The following PCSK6 variants were observed in gnomAD, a reference collection of about 807,000 sequenced individuals.
The protein encoded by PCSK6 is proprotein convertase subtilisin/kexin type 6, also known as paired basic amino acid cleaving enzyme 4.
In PCSK6, 85 loss-of-function variants were observed where a neutral mutation model predicts 123.3. The observed-to-expected ratio is 0.69, with a 90% CI of 0.58 to 0.83. PCSK6 has a LOEUF of 0.83. Ranked by LOEUF, PCSK6 falls within the 40% of genes least tolerant of loss-of-function variation. PCSK6 has a pLI of 0.00. For synonymous variants in PCSK6, 508 were observed against 516.0 expected, an observed-to-expected ratio of 0.98 and a Z score of 0.21; for missense variants, 1,191 against 1,282.3, an observed-to-expected ratio of 0.93 and a Z score of 1.09.
At chr15:101,407,915 C>T (rs1275389300) in intron 6 of PCSK6, among the ~76,000 whole-genome samples, 6 of 152,244 alleles carry the variant, frequency 3.9e-5, no homozygotes, top group Non-Finnish European at 5.9e-5. Context: ...CTTTGATAAT[C>T]GGGTCCTGTT....
intron 20 of PCSK6, among the ~76,000 whole-genome samples, chr15:101,311,686 C>CA (rs71154319): frequency 1.5e-3 from 85 of 54,978 alleles, no homozygotes; most frequent in Middle Eastern, 0.019. Flanking sequence ...CCCATCGTCA[C>CA]CCCTCACAGC....
rs527895591 is a variant in PCSK6, at chr15:101,340,796, T to A, written c.1859-8765A>T. Among the ~76,000 whole-genome samples the A allele has an allele frequency of 6.6e-5, 10 of 152,072 alleles. No homozygotes were observed. In the South Asian group the frequency reaches 2.1e-3, roughly 32 times the overall value. On this transcript the variant is annotated intron_variant, in intron 13 of 21. Transcript: ENST00000611716. ...CCACCTCCCAATGTTCTAACAAAAT[T>A]TCTTACTGGGTCCAATATTTATTGT... is the stretch of plus-strand genomic sequence containing the variant.
chr15:101,393,297 T>C lies in PCSK6; in HGVS notation c.1124A>G (p.Asn375Ser). The C allele has an allele frequency of 6.2e-7, 1 of 1,612,894 alleles. No individual in the cohort carries two copies. Among genetic ancestry groups the C allele is most frequent in the Non-Finnish European group, 8.5e-7 (1 of 1,179,488 alleles). Reference protein sequence around the residue: ...YTISVSSATENGYKPWYLEEC... With the variant: ...YTISVSSATESGYKPWYLEEC... ...TTCCAGGTACCAGGGCTTGTAGCCA[T>C]TCTCGGTGGCGCTGCTGACGGAGAT... The change falls in exon 8 of 22, where the codon AAT becomes AGT. Residue 375 changes from asparagine to serine, a missense_variant. Around this residue, in one of 3 missense-constraint regions of PCSK6, gnomAD observed 357 missense variants for 484.5 expected, o/e 0.74. Transcript: ENST00000611716.
chr15:101,372,999 G>T (rs2041630470), intron 11 of PCSK6, among the ~76,000 whole-genome samples: 1 of 151,882 alleles, frequency 6.6e-6, no homozygotes, highest in African/African-American at 2.4e-5. Flanking sequence ...ACGGGAGCAG[G>T]GTAATTACAA....
chr15:101,389,068 T>C (rs1420338329), intron 9 of PCSK6, among the ~76,000 whole-genome samples: 7 of 152,204 alleles, frequency 4.6e-5, no homozygotes, highest in Non-Finnish European at 8.8e-5. Context: ...ATATGACCAG[T>C]GTCCTTATAA....
rs368951613 is a variant in PCSK6, at chr15:101,318,284, C to T, written c.2569+35G>A. 2.1e-4 allele frequency: 311 copies of T among 1,467,974 alleles called. 1 individual carries two copies. Among genetic ancestry groups the T allele is most frequent in the East Asian group, 1.1e-3 (43 of 40,542 alleles). The allele number at this position is 1,467,974 out of a possible 1,614,324, so 90.9% of individuals were successfully genotyped here. On this transcript the variant is annotated intron_variant, in intron 19 of 21. Coordinates refer to ENST00000611716, the MANE Select transcript of PCSK6 (RefSeq NM_002570.5). ...AGGCAGCTAGCCTACGCTTGGGTGA[C>T]GCTGGCCCGAGGCCTCCGCAGGCGG...
At chr15:101,393,013 C>G in intron 8 of PCSK6, among the ~76,000 whole-genome samples, 199 bp downstream of exon 8, 1 of 152,160 alleles carries the variant, frequency 6.6e-6, no homozygotes, top group East Asian at 1.9e-4. Flanking sequence ...ATTAGAAAGC[C>G]AGTGTCCGAG....
intron 8 of PCSK6, 66 bp downstream of exon 8, chr15:101,393,143 GAGA>G: frequency 8.2e-7 from 1 of 1,215,066 alleles, no homozygotes; most frequent in Non-Finnish European, 1.2e-6. Context: ...CTGAGAAAGG[GAGA>G]AGAAACTCAT....
At chr15:101,421,572 T>A (rs542761430) in intron 6 of PCSK6, among the ~76,000 whole-genome samples, 1 of 152,260 alleles carries the variant, frequency 6.6e-6, no homozygotes, top group East Asian at 1.9e-4. Flanking sequence ...CCAGCTACCA[T>A]GTTATGGGGA....
At chr15:101,438,159 T>C (rs1438031960) in intron 2 of PCSK6, among the ~76,000 whole-genome samples, 1 of 152,192 alleles carries the variant, frequency 6.6e-6, no homozygotes, top group Non-Finnish European at 1.5e-5. Context: ...CCGCATCCTG[T>C]GGGACTTTGT....
intron 15 of PCSK6, among the ~76,000 whole-genome samples, chr15:101,327,632 A>C (rs559815943): frequency 3.1e-4 from 47 of 152,168 alleles, no homozygotes; most frequent in Admixed American, 4.6e-4. Flanking sequence ...GTTGCTGGCC[A>C]CCTTCATTTG....
intron 11 of PCSK6, among the ~76,000 whole-genome samples, chr15:101,376,945 G>A (rs1297134429): frequency 6.6e-6 from 1 of 152,250 alleles, no homozygotes; most frequent in African/African-American, 2.4e-5. Context: ...GAGGTCAGAT[G>A]CCCTGGAGGG....
chr15:101,482,783 ATTCTGAGTCTGCTCC>A (rs1452602299), intron 1 of PCSK6, among the ~76,000 whole-genome samples: 1 of 100,066 alleles, frequency 1.0e-5, no homozygotes, highest in Non-Finnish European at 2.2e-5. Context: ...CTCAGTCCTG[ATTCTGAGTCTGCTCC>A]TGATTCTGAG....
At chr15:101,448,776 A>C (rs2056957494) in intron 1 of PCSK6, among the ~76,000 whole-genome samples, 1 of 152,198 alleles carries the variant, frequency 6.6e-6, no homozygotes, top group South Asian at 2.1e-4. Flanking sequence ...GTTAGTTACC[A>C]TGGGGAATTT....
intron 15 of PCSK6, among the ~76,000 whole-genome samples, chr15:101,327,883 G>A (rs760603089): frequency 2.8e-4 from 43 of 152,234 alleles, no homozygotes; most frequent in African/African-American, 7.9e-4. Context: ...GTGTATCCAC[G>A]AGGACACTCT....
chr15:101,477,965 A>T (rs1328723689), intron 1 of PCSK6, among the ~76,000 whole-genome samples: 1 of 152,228 alleles, frequency 6.6e-6, no homozygotes, highest in East Asian at 1.9e-4. Context: ...AGGATCCCAT[A>T]GTACAGGAGG....
At chr15:101,462,370 T>C (rs1457216040) in intron 1 of PCSK6, among the ~76,000 whole-genome samples, 1 of 152,232 alleles carries the variant, frequency 6.6e-6, no homozygotes, top group East Asian at 1.9e-4. Flanking sequence ...TAGATGTATA[T>C]ATTAAATAAA....
At chr15:101,370,259 A>G in intron 12 of PCSK6, 76 bp downstream of exon 12, 4 of 1,280,300 alleles carry the variant, frequency 3.1e-6, no homozygotes, top group Non-Finnish European at 4.1e-6. Flanking sequence ...CTGTGGGCCC[A>G]AGACTGGACA....
intron 11 of PCSK6, among the ~76,000 whole-genome samples, chr15:101,371,530 A>C (rs2041586776): frequency 6.6e-6 from 1 of 152,282 alleles, no homozygotes; most frequent in Non-Finnish European, 1.5e-5. Context: ...CACAATGCTA[A>C]ATAACAGCAA....
Sources: allele counts gnomAD v4.1 joint callset (sites outside exome capture counted in the v4.1 genomes callset), GRCh38; gene constraint gnomAD v4.1.1; regional missense constraint gnomAD v4.1.1; transcripts MANE v1.5; gene names NCBI Gene and HGNC (gene_info 2026-07-23, HGNC 2026-07-21).